ASAP1: variants seen among roughly 807,000 people sequenced by gnomAD.
ASAP1 encodes arf-GAP with SH3 domain, ANK repeat and PH domain-containing protein 1.
Under a neutral mutation model 145.2 loss-of-function variants are expected in ASAP1, and 43 were observed. The ratio of observed to expected loss-of-function variants is 0.30; its 90% confidence interval spans 0.23 to 0.38. The LOEUF (loss-of-function observed/expected upper bound fraction) is 0.38. Ranked by LOEUF, ASAP1 falls within the 10% of genes least tolerant of loss-of-function variation. ASAP1 has a pLI of 1.00. For synonymous variants in ASAP1, 546 were observed against 515.5 expected, an observed-to-expected ratio of 1.06 and a Z score of -0.80; for missense variants, 1,018 against 1,355.3, an observed-to-expected ratio of 0.75 and a Z score of 3.91.
At chr8:130,301,161 T>C (rs188789598) in intron 3 of ASAP1, among the ~76,000 whole-genome samples, 4 of 152,292 alleles carry the variant, frequency 2.6e-5, no homozygotes, top group East Asian at 3.9e-4. Context: ...ATCCAGACTA[T>C]CCTAAAGATA....
At chr8:130,252,549 C>T (rs116249658) in intron 3 of ASAP1, among the ~76,000 whole-genome samples, 183 of 152,222 alleles carry the variant, frequency 1.2e-3, no homozygotes, top group African/African-American at 4.3e-3. Context: ...TCTCAGTAAT[C>T]TCCATGTTGC....
intron 2 of ASAP1, among the ~76,000 whole-genome samples, chr8:130,386,422 C>T (rs1828019170): frequency 1.3e-5 from 2 of 152,190 alleles, no homozygotes; most frequent in Admixed American, 6.5e-5. Context: ...CTCTGCCTGC[C>T]CCCGCTCCCA....
intron 1 of ASAP1, among the ~76,000 whole-genome samples, chr8:130,410,706 C>T (rs1384872976): frequency 6.6e-6 from 1 of 152,244 alleles, no homozygotes; most frequent in Middle Eastern, 3.2e-3. Flanking sequence ...TGGGCAGCTG[C>T]CCCCTCATGC....
chr8:130,351,901 T>C (rs1826017920), intron 3 of ASAP1, among the ~76,000 whole-genome samples: 1 of 152,244 alleles, frequency 6.6e-6, no homozygotes, highest in Admixed American at 6.5e-5. Flanking sequence ...CTAACAGGCT[T>C]GTGCCTTGTT....
rs963059360 is a variant in ASAP1, at chr8:130,250,150, C to T, written c.187-13156G>A. On this transcript the variant is annotated intron_variant, in intron 3 of 29. Transcript: ENST00000518721. ...GCTCAGATTCTAATTCCAGCCATTT[C>T]GGTGTCCCTATTTTGCATCCTCTGA... is the stretch of plus-strand genomic sequence containing the variant. Among the ~76,000 whole-genome samples the T allele has an allele frequency of 6.6e-5, 10 of 152,166 alleles. No homozygotes were observed. In the East Asian group the frequency reaches 1.5e-3, roughly 23 times the overall value.
chr8:130,180,951 T>A, intron 7 of ASAP1, 71 bp from the exon 8 acceptor site: 1 of 1,372,720 alleles, frequency 7.3e-7, no homozygotes, highest in Non-Finnish European at 1.0e-6. Flanking sequence ...CAGCAGATCC[T>A]AATACAAACT....
At chr8:130,115,515 A>C in intron 23 of ASAP1, 113 bp downstream of exon 23, 1 of 808,714 alleles carries the variant, frequency 1.2e-6, no homozygotes, top group Non-Finnish European at 2.1e-6. Flanking sequence ...TGGCCCTGAT[A>C]CATTGGATCA....
intron 3 of ASAP1, among the ~76,000 whole-genome samples, chr8:130,250,850 G>A (rs1819151018): frequency 6.6e-6 from 1 of 152,062 alleles, no homozygotes; most frequent in Non-Finnish European, 1.5e-5. Flanking sequence ...GTATTCTGGA[G>A]AAAACAATTA....
At chr8:130,337,980 TG>T (rs1327194767) in intron 3 of ASAP1, among the ~76,000 whole-genome samples, 3 of 152,238 alleles carry the variant, frequency 2.0e-5, no homozygotes, top group East Asian at 3.8e-4. Context: ...ACTTCATTTT[TG>T]CTTCACAACA....
At chr8:130,350,019 T>C (rs927245251) in intron 3 of ASAP1, among the ~76,000 whole-genome samples, 11 of 152,114 alleles carry the variant, frequency 7.2e-5, no homozygotes, top group African/African-American at 2.4e-4. Context: ...AAACAGACAA[T>C]GAAGGCAAAG....
At chr8:130,101,364 C>T (rs903708272) in intron 24 of ASAP1, among the ~76,000 whole-genome samples, 2 of 152,182 alleles carry the variant, frequency 1.3e-5, no homozygotes, top group Non-Finnish European at 2.9e-5. Context: ...CTGTAGATTG[C>T]TCTTGGTAGT....
At chr8:130,397,583 A>G (rs896856447) in intron 2 of ASAP1, among the ~76,000 whole-genome samples, 7 of 152,222 alleles carry the variant, frequency 4.6e-5, no homozygotes, top group African/African-American at 1.7e-4. Flanking sequence ...GTTCACAACT[A>G]TGACAGTGAC....
chr8:130,111,013 A>G (rs550298410), intron 24 of ASAP1, among the ~76,000 whole-genome samples: 1 of 152,096 alleles, frequency 6.6e-6, no homozygotes, highest in East Asian at 1.9e-4. Flanking sequence ...CAACACTTTA[A>G]TGGTAGCCTG....
intron 24 of ASAP1, among the ~76,000 whole-genome samples, chr8:130,101,794 A>T (rs1442841637): frequency 7.5e-6 from 1 of 132,902 alleles, no homozygotes; most frequent in Non-Finnish European, 1.5e-5. Context: ...CTGGTCTCAA[A>T]ACTCCTAAGC....
chr8:130,286,671 G>T (rs1354489733), intron 3 of ASAP1, among the ~76,000 whole-genome samples: 1 of 152,064 alleles, frequency 6.6e-6, no homozygotes, highest in Non-Finnish European at 1.5e-5. Flanking sequence ...ACCCAATAAG[G>T]GTTACCCATC....
At chr8:130,431,419 G>A (rs1490946320) in intron 1 of ASAP1, among the ~76,000 whole-genome samples, 4 of 152,066 alleles carry the variant, frequency 2.6e-5, no homozygotes, top group East Asian at 1.9e-4. Flanking sequence ...TACCTCAAAC[G>A]TTAGGTTCCA....
intron 3 of ASAP1, among the ~76,000 whole-genome samples, chr8:130,240,474 T>A (rs1235995479): frequency 6.6e-6 from 1 of 152,128 alleles, no homozygotes; most frequent in African/African-American, 2.4e-5. Context: ...TTCCCATAAA[T>A]GCCAAACAAC....
chr8:130,187,170 T>G (rs72722371), intron 7 of ASAP1, 66 bp downstream of exon 7: 295,721 of 1,390,464 alleles, frequency 0.21, 35,534 homozygotes, highest in East Asian at 0.43. Context: ...AGTTTTTTTT[T>G]TTGTTGTCCA....
At chr8:130,132,110 ACTGTGGAATTCTAT>A (rs1298284497) in intron 15 of ASAP1, among the ~76,000 whole-genome samples, 1 of 152,192 alleles carries the variant, frequency 6.6e-6, no homozygotes, top group Non-Finnish European at 1.5e-5. Flanking sequence ...TTCCAAGGTG[ACTGTGGAATTCTAT>A]CTGGGTTCAA....
Sources: gnomAD v4.1 joint callset for allele counts (sites outside exome capture counted in the v4.1 genomes callset) on GRCh38, gnomAD v4.1.1 for gene constraint, MANE v1.5 for transcripts, NCBI Gene and HGNC (gene_info 2026-07-23, HGNC 2026-07-21) for gene names.